The following CPXM2 variants were observed in gnomAD, a reference collection of about 807,000 sequenced individuals.
CPXM2 encodes carboxypeptidase X, M14 family member 2, also known as inactive carboxypeptidase-like protein X2.
CPXM2 carries 66 observed loss-of-function variants against 86.1 expected under a neutral mutation model. The observed-to-expected ratio is 0.77, with a 90% CI of 0.63 to 0.94. The LOEUF is 0.94. CPXM2 is among the 40% of genes least tolerant of loss of function. The probability of loss-of-function intolerance (pLI) is 0.00; values close to 1 mark genes in which losing one functional copy is unlikely to be tolerated. For missense variants in CPXM2, 948 were observed against 1,026.3 expected (o/e 0.92, Z 1.04); for synonymous variants, 388 against 400.2 (o/e 0.97, Z 0.36).
chr10:123,891,435 C>T lies in CPXM2; in HGVS notation c.225G>A (p.Glu75=), dbSNP rs537271272. 238 of 1,556,670 alleles carry T rather than the reference C, an allele frequency of 1.5e-4. 1 individual carries two copies. In the Admixed American group the frequency reaches 4.4e-3, roughly 29 times the overall value. The change falls in exon 1 of 14, where the codon GAG becomes GAA. Residue 75 remains glutamate, a synonymous_variant. Transcript: ENST00000241305. The surrounding 1 kb of genome is among the most constrained non-coding windows in gnomAD (Gnocchi z 5.6). ...PGEEWERRPQ[E]PRPPKRATKP... ...TGGTGGCCCTCTTGGGCGGCCTGGG[C>T]TCCTGCGGGCGCCGCTCCCACTCCT...
chr10:123,806,093 C>T (rs1847572941), intron 4 of CPXM2, among the ~76,000 whole-genome samples: 1 of 152,122 alleles, frequency 6.6e-6, no homozygotes, highest in African/African-American at 2.4e-5. Flanking sequence ...TTTTGCATTT[C>T]CACGTTTCCA....
chr10:123,899,669 G>A (rs1945365708), intron 2 of CPXM2, among the ~76,000 whole-genome samples: 1 of 152,192 alleles, frequency 6.6e-6, no homozygotes, highest in Non-Finnish European at 1.5e-5. Flanking sequence ...AGGAAGGGAA[G>A]ACTGAGAATG....
chr10:123,842,521 G>C, intron 3 of CPXM2, 33 bp from the exon 4 acceptor site: 1 of 1,607,656 alleles, frequency 6.2e-7, no homozygotes, highest in South Asian at 1.1e-5. Flanking sequence ...TCTTCAAAAA[G>C]ACTCTTAATT....
At chr10:123,759,518 C>T (rs952476903) in intron 11 of CPXM2, among the ~76,000 whole-genome samples, 5 of 152,136 alleles carry the variant, frequency 3.3e-5, no homozygotes, top group African/African-American at 9.7e-5. Flanking sequence ...CAGAGTGTAT[C>T]GCCTTGCTGA....
chr10:123,919,339 C>T (rs1945562717), intron 2 of CPXM2, among the ~76,000 whole-genome samples: 1 of 152,176 alleles, frequency 6.6e-6, no homozygotes, highest in African/African-American at 2.4e-5. Flanking sequence ...TTTAACAGTG[C>T]CCATAGCATG....
intron 4 of CPXM2, among the ~76,000 whole-genome samples, chr10:123,833,951 T>C (rs1848222552): frequency 6.6e-6 from 1 of 152,172 alleles, no homozygotes; most frequent in African/African-American, 2.4e-5. Flanking sequence ...AGGACAATCT[T>C]AACTGCTTGA....
intron 2 of CPXM2, among the ~76,000 whole-genome samples, chr10:123,863,666 A>G (rs1848909741): frequency 6.6e-6 from 1 of 152,132 alleles, no homozygotes; most frequent in Admixed American, 6.5e-5. Context: ...ATACTCAGAA[A>G]TCCTCACTGC....
rs758371249 is a variant in CPXM2 at position 123,933,484 on chromosome 10, A to G, written n.174+5993T>C. Reference sequence around the variant, plus strand: ...CTATAATCTCAGCACTTGGGAGGCCAAGGTGGGCGGGTCACTTGAGGTCAG... The same window carrying G: ...CTATAATCTCAGCACTTGGGAGGCCGAGGTGGGCGGGTCACTTGAGGTCAG... On this transcript the variant is annotated intron_variant and non_coding_transcript_variant, in intron 2 of 19. Transcript: ENST00000368854. 4.7e-4 allele frequency among the ~76,000 whole-genome samples: 71 copies of G among 152,298 alleles called. 1 individual carries two copies. The highest frequency in any genetic ancestry group is 5.6e-4 in the Non-Finnish European group (38 of 68,018).
intron 3 of CPXM2, among the ~76,000 whole-genome samples, chr10:123,848,716 T>C (rs1416567263): frequency 2.0e-5 from 3 of 152,228 alleles, no homozygotes; most frequent in Non-Finnish European, 4.4e-5. Flanking sequence ...AGTGACCCAA[T>C]AAAGATTGTG....
Position 123,833,287 on chromosome 10 carries a change from G to A in CPXM2, c.653+9062C>T, listed in dbSNP as rs186380827. Among the ~76,000 whole-genome samples, 82 of 152,278 alleles carry A rather than the reference G, an allele frequency of 5.4e-4. 1 individual carries two copies. In the East Asian group the frequency reaches 0.014, roughly 26 times the overall value. ...CACAGGCAAAGTGCCCAGCCGCCCT[G>A]GTGTAGGGAACCCATGTGCTTTTAT... On this transcript the variant is annotated intron_variant, in intron 4 of 13. Coordinates refer to ENST00000241305, the MANE Select transcript of CPXM2 (RefSeq NM_198148.3).
chr10:123,755,037 T>G lies in CPXM2; in HGVS notation c.1918-275A>C, dbSNP rs118181084. On this transcript the variant is annotated intron_variant, in intron 12 of 13. Coordinates refer to ENST00000241305, the MANE Select transcript of CPXM2 (RefSeq NM_198148.3). Reference sequence around the variant, plus strand: ...ATCCTGCTTTAAAATGTGCCACTTATCCTTTGGAGCAAAAAGCTGATACTT... The same window carrying G: ...ATCCTGCTTTAAAATGTGCCACTTAGCCTTTGGAGCAAAAAGCTGATACTT... Among the ~76,000 whole-genome samples the G allele has an allele frequency of 2.4e-4, 36 of 152,362 alleles. No homozygotes were observed. The East Asian group carries it at 6.6e-3, about 28-fold the overall frequency.
chr10:123,796,248 A>T (rs903069601), intron 6 of CPXM2, among the ~76,000 whole-genome samples: 21 of 152,210 alleles, frequency 1.4e-4, no homozygotes, highest in African/African-American at 5.1e-4. Flanking sequence ...TATTTATCAT[A>T]ATCTAATTTC....
chr10:123,761,242 G>A (rs1863738), intron 11 of CPXM2, among the ~76,000 whole-genome samples: 132,035 of 152,200 alleles, frequency 0.87, 57,393 homozygotes, highest in Admixed American at 0.88. Flanking sequence ...CAGGCTGTGG[G>A]TATGAGTGTG....
At chr10:123,833,607 C>G (rs1391895636) in intron 4 of CPXM2, among the ~76,000 whole-genome samples, 2 of 152,224 alleles carry the variant, frequency 1.3e-5, no homozygotes, top group Non-Finnish European at 2.9e-5. Context: ...GGCATCTCAG[C>G]AACACTCAGC....
At chr10:123,916,781 T>A in intron 2 of CPXM2, among the ~76,000 whole-genome samples, 1 of 151,590 alleles carries the variant, frequency 6.6e-6, no homozygotes, top group Admixed American at 6.5e-5. Flanking sequence ...TCTCTCTCTT[T>A]TTTTTTTTTC....
intron 2 of CPXM2, among the ~76,000 whole-genome samples, chr10:123,916,839 G>A (rs1945537351): frequency 6.6e-6 from 1 of 151,696 alleles, no homozygotes; most frequent in Admixed American, 6.6e-5. Flanking sequence ...GTGCAGTGGT[G>A]CAATCATAGC....
intron 4 of CPXM2, among the ~76,000 whole-genome samples, chr10:123,842,145 G>T (rs1286422202): frequency 4.6e-5 from 7 of 152,318 alleles, no homozygotes; most frequent in Admixed American, 2.6e-4. Context: ...CTGTACAGGG[G>T]GAGGGTGTCG....
At chr10:123,932,814 G>C (rs1013788945) in intron 2 of CPXM2, among the ~76,000 whole-genome samples, 5 of 152,200 alleles carry the variant, frequency 3.3e-5, no homozygotes, top group Non-Finnish European at 7.3e-5. Context: ...AATACAGCAA[G>C]GGCTCCAACA....
At chr10:123,877,116 C>T (rs1945000997) in intron 2 of CPXM2, among the ~76,000 whole-genome samples, 2 of 152,262 alleles carry the variant, frequency 1.3e-5, no homozygotes, top group South Asian at 4.1e-4. Flanking sequence ...CAAAGGGAAG[C>T]AGAGGCCAGA....
Sources: allele counts gnomAD v4.1 joint callset (sites outside exome capture counted in the v4.1 genomes callset), GRCh38; gene constraint gnomAD v4.1.1; non-coding constraint Gnocchi (gnomAD v3.1); transcripts MANE v1.5; gene names NCBI Gene and HGNC (gene_info 2026-07-23, HGNC 2026-07-21).